The following SYNE2 variants were observed in gnomAD, a reference collection of about 807,000 sequenced individuals.
SYNE2 encodes nesprin-2.
In SYNE2, 431 loss-of-function variants were observed where a neutral mutation model predicts 856.3. The observed-to-expected ratio is 0.50, with a 90% CI of 0.47 to 0.55. The LOEUF is 0.55. Ranked by LOEUF, SYNE2 falls within the 20% of genes least tolerant of loss-of-function variation. The pLI, the probability that SYNE2 is intolerant of heterozygous loss-of-function variation, is 0.00. For synonymous variants in SYNE2, 2,923 were observed against 2,872.3 expected (o/e 1.02, Z -0.56); for missense variants, 8,129 against 8,023.2 (o/e 1.01, Z -0.50).
intron 95 of SYNE2, 86 bp downstream of exon 95, chr14:64,175,224 T>G (rs1302708988): frequency 2.7e-5 from 39 of 1,462,038 alleles, no homozygotes; most frequent in Non-Finnish European, 3.6e-5. Flanking sequence ...GAAATGGTTT[T>G]AGGAAACTAT....
intron 99 of SYNE2, among the ~76,000 whole-genome samples, chr14:64,192,327 C>T (rs2098522386): frequency 6.6e-6 from 1 of 152,032 alleles, no homozygotes; most frequent in African/African-American, 2.4e-5. Context: ...GGTATGATGG[C>T]ATCAAACCCA....
intron 6 of SYNE2, among the ~76,000 whole-genome samples, chr14:63,948,911 G>C (rs974209313): frequency 2.0e-5 from 3 of 149,878 alleles, no homozygotes; most frequent in African/African-American, 7.4e-5. Context: ...AGCATACTCT[G>C]AATGATTTCA....
intron 2 of SYNE2, among the ~76,000 whole-genome samples, chr14:63,935,381 A>G (rs185794068): frequency 3.3e-5 from 5 of 152,206 alleles, no homozygotes; most frequent in Admixed American, 1.3e-4. Context: ...TGCATCTTTA[A>G]TCTCTAATCA....
chr14:63,815,083 T>C (rs1013976435), intron 1 of SYNE2, among the ~76,000 whole-genome samples: 10 of 140,762 alleles, frequency 7.1e-5, no homozygotes, highest in Non-Finnish European at 1.4e-4. Flanking sequence ...TATATATCCA[T>C]ATATATGCAC....
In SYNE2 at chr14:64,040,600, AT is replaced by A. The variant is rs2097140995; in HGVS notation, c.7222-7399del. Reference sequence around the variant, plus strand: ...CTACTGTAGAAGTGAGGTTAAAAATATATATATATATATATGTATATACATA... The same window carrying A: ...CTACTGTAGAAGTGAGGTTAAAAATAATATATATATATATGTATATACATA... On this transcript the variant is annotated intron_variant, in intron 45 of 115. Coordinates refer to ENST00000555002, the MANE Select transcript of SYNE2 (RefSeq NM_182914.3). 7.5e-5 allele frequency among the ~76,000 whole-genome samples: 11 copies of A among 145,712 alleles called. No homozygotes were observed. In the South Asian group the frequency reaches 2.1e-3, roughly 28 times the overall value.
At chr14:64,024,208 A>G in intron 38 of SYNE2, 49 bp from the exon 39 acceptor site, 1 of 1,569,682 alleles carries the variant, frequency 6.4e-7, no homozygotes, top group African/African-American at 1.3e-5. Context: ...GGCAGAGACC[A>G]CATTCAGACT....
intron 1 of SYNE2, among the ~76,000 whole-genome samples, chr14:63,838,083 A>G (rs924433195): frequency 6.6e-6 from 1 of 151,948 alleles, no homozygotes; most frequent in Non-Finnish European, 1.5e-5. Flanking sequence ...TAAAAAGACT[A>G]TAAGGGCTGG....
chr14:64,185,019 G>T (rs1186285581), intron 96 of SYNE2, among the ~76,000 whole-genome samples: 1 of 152,262 alleles, frequency 6.6e-6, no homozygotes, highest in South Asian at 2.1e-4. Flanking sequence ...ACTTCAGGGG[G>T]CTGAGGCAAG....
chr14:64,170,460 A>C lies in SYNE2; in HGVS notation c.17233A>C (p.Lys5745Gln). ...AACCAGAAGTCTGATCCATGAGCTG[A>C]AGGTAGTGTATGCATCGTAGCAGTG... ...YQTRSLIHEL[K>Q]NKEIHFQRRR... Residue 5745 changes from lysine (K) to glutamine (Q), a missense_variant and splice_region_variant, in exon 94 of 116, where the codon AAG becomes CAG. Transcript: ENST00000555002. 1 of 1,608,728 alleles carries C rather than the reference A, an allele frequency of 6.2e-7. No homozygotes were observed. The highest frequency in any genetic ancestry group is 8.5e-7 in the Non-Finnish European group (1 of 1,177,318).
chr14:64,044,556 C>G (rs1268799702), intron 45 of SYNE2, among the ~76,000 whole-genome samples: 2 of 152,090 alleles, frequency 1.3e-5, no homozygotes, highest in African/African-American at 2.4e-5. Flanking sequence ...GGGCCAGATG[C>G]AAAATGGTAT....
chr14:64,138,371 A>G (rs1342202423), intron 79 of SYNE2, among the ~76,000 whole-genome samples: 2 of 152,078 alleles, frequency 1.3e-5, no homozygotes, highest in African/African-American at 4.8e-5. Flanking sequence ...TGGTGTGACT[A>G]CAGGCATAGG....
At position 64,029,974 on chromosome 14, in the gene SYNE2, T is replaced by C; in HGVS notation, c.6794T>C (p.Leu2265Ser). ...TGCGTCACAGACCTGAATACTACAT[T>C]GGACAATTTCTCCAAGGAATTTGTC... ...QVCVTDLNTT[L>S]DNFSKEFVSF... The change falls in exon 44 of 116, where the codon TTG becomes TCG. Residue 2265 changes from leucine to serine, a missense_variant. By Grantham distance (145) the Leu-to-Ser change is moderately radical. Coordinates refer to ENST00000555002, the MANE Select transcript of SYNE2 (RefSeq NM_182914.3). The C allele has an allele frequency of 6.2e-7, 1 of 1,614,168 alleles. No homozygotes were observed. Among genetic ancestry groups the C allele is most frequent in the Non-Finnish European group, 8.5e-7 (1 of 1,180,006 alleles).
chr14:63,909,094 T>C lies in SYNE2; in HGVS notation c.-51-4T>C. The C allele has an allele frequency of 1.6e-6, 2 of 1,230,754 alleles. No homozygotes were observed. Among genetic ancestry groups the C allele is most frequent in the Non-Finnish European group, 2.4e-6 (2 of 831,142 alleles). 76.2% of individuals were successfully genotyped at this position (1,230,754 alleles called of 1,614,324 possible). On this transcript the variant is annotated splice_region_variant and splice_polypyrimidine_tract_variant and intron_variant, in intron 1 of 115. Coordinates refer to ENST00000555002, the MANE Select transcript of SYNE2 (RefSeq NM_182914.3). ...TAATGAACATTTATCCATTTCACTT[T>C]CAGTTCACTTCTTCAACTGAGATGG...
rs2098715609 is a variant in SYNE2, at chr14:64,225,600, T to C, written c.*74T>C. 1.3e-6 allele frequency: 2 copies of C among 1,495,814 alleles called. No homozygotes were observed. The highest frequency in any genetic ancestry group is 1.8e-6 in the Non-Finnish European group (2 of 1,085,080). The allele number at this position is 1,495,814 out of a possible 1,614,324, so 92.7% of individuals were successfully genotyped here. On this transcript the variant is annotated 3_prime_UTR_variant, in exon 116 of 116. Coordinates refer to ENST00000555002, the MANE Select transcript of SYNE2 (RefSeq NM_182914.3). The stretch of plus-strand genomic sequence containing the variant: ...TGCCCAGCACGTGGCCCCAGACCAA[T>C]CTGAGTGACTTAGTGTTGGCAAGGT...
intron 57 of SYNE2, among the ~76,000 whole-genome samples, chr14:64,083,199 G>T (rs2097536804): frequency 6.6e-6 from 1 of 152,016 alleles, no homozygotes; most frequent in African/African-American, 2.4e-5. Flanking sequence ...TAAAGATGCT[G>T]CATTTCTACC....
chr14:63,847,648 G>A (rs1890272845), intron 1 of SYNE2, among the ~76,000 whole-genome samples: 1 of 148,678 alleles, frequency 6.7e-6, no homozygotes, highest in Non-Finnish European at 1.5e-5. Flanking sequence ...TGCAGTGGCG[G>A]GATCTCGGCT....
chr14:64,119,172 G>A (rs778214937), intron 66 of SYNE2, among the ~76,000 whole-genome samples: 39 of 152,168 alleles, frequency 2.6e-4, no homozygotes, highest in Admixed American at 1.6e-3. Context: ...GCTATGTTTT[G>A]TAAGGCGACT....
At chr14:63,790,572 A>T (rs955228078) in intron 1 of SYNE2, among the ~76,000 whole-genome samples, 1 of 152,200 alleles carries the variant, frequency 6.6e-6, no homozygotes, top group African/African-American at 2.4e-5. Flanking sequence ...AGTTTGAGAG[A>T]AACTGAAGAA....
At chr14:64,217,173 C>G (rs1266675881) in intron 108 of SYNE2, among the ~76,000 whole-genome samples, 1 of 152,224 alleles carries the variant, frequency 6.6e-6, no homozygotes, top group Non-Finnish European at 1.5e-5. Flanking sequence ...TTCTGTAAGC[C>G]TTTCTCACCT....
Sources: allele counts gnomAD v4.1 joint callset (sites outside exome capture counted in the v4.1 genomes callset), GRCh38; gene constraint gnomAD v4.1.1; transcripts MANE v1.5; gene names NCBI Gene and HGNC (gene_info 2026-07-23, HGNC 2026-07-21).